The following EBF1 variants were observed in gnomAD, a reference collection of about 807,000 sequenced individuals.
The protein encoded by EBF1 is EBF transcription factor 1.
EBF1 carries 10 observed loss-of-function variants against 68.4 expected under a neutral mutation model. The ratio of observed to expected loss-of-function variants is 0.15; its 90% CI spans 0.09 to 0.25. The LOEUF (loss-of-function observed/expected upper bound fraction) is 0.25, where lower values mean the gene tolerates loss of function less well. EBF1 is among the 10% of genes least tolerant of loss of function. The probability of loss-of-function intolerance (pLI) is 1.00; values close to 1 mark genes in which losing one functional copy is unlikely to be tolerated. For missense variants in EBF1, 509 were observed against 794.4 expected (o/e 0.64, Z 4.32); for synonymous variants, 298 against 299.8 (o/e 0.99, Z 0.06).
chr5:158,875,980 C>G (rs1339190919), intron 6 of EBF1, among the ~76,000 whole-genome samples: 2 of 152,102 alleles, frequency 1.3e-5, no homozygotes, highest in African/African-American at 4.8e-5. Context: ...CACTTCATTA[C>G]AACAACAAGA....
rs1755780080 is a variant in EBF1 at position 158,696,476 on chromosome 5, G to C, written c.*2635C>G. On this transcript the variant is annotated 3_prime_UTR_variant, in exon 16 of 16. Coordinates refer to ENST00000313708, the MANE Select transcript of EBF1 (RefSeq NM_024007.5). ...AAGGTCTAAGCCGGACACCTTCCCG[G>C]CTGACCGTTCATTCCTTCAGAAACA... is the stretch of plus-strand genomic sequence containing the variant. 4.5e-6 allele frequency: 1 copy of C among 223,068 alleles called. No homozygotes were observed. Among genetic ancestry groups the C allele is most frequent in the Non-Finnish European group, 9.0e-6 (1 of 111,634 alleles). 13.8% of individuals were successfully genotyped at this position (223,068 alleles called of 1,614,324 possible).
chr5:159,080,319 A>G (rs1584478827), intron 5 of EBF1, among the ~76,000 whole-genome samples: 1 of 152,138 alleles, frequency 6.6e-6, no homozygotes, highest in Non-Finnish European at 1.5e-5. Context: ...TCAACCTCTC[A>G]TCACATTCAA....
intron 11 of EBF1, 55 bp from the exon 12 acceptor site, chr5:158,714,237 T>G: frequency 6.3e-7 from 1 of 1,595,166 alleles, no homozygotes; most frequent in Non-Finnish European, 8.6e-7. Flanking sequence ...TGTCGTTATC[T>G]TTTGACATGA....
At chr5:158,739,099 C>G (rs1765773754) in intron 10 of EBF1, among the ~76,000 whole-genome samples, 3 of 152,196 alleles carry the variant, frequency 2.0e-5, no homozygotes, top group Non-Finnish European at 4.4e-5. Flanking sequence ...CTACAAGGAG[C>G]TCTCAAATGC....
chr5:158,995,642 T>C (rs1761247533), intron 6 of EBF1, among the ~76,000 whole-genome samples: 1 of 152,192 alleles, frequency 6.6e-6, no homozygotes, highest in Non-Finnish European at 1.5e-5. Flanking sequence ...TCTGTGAGCT[T>C]GGATATATGC....
intron 6 of EBF1, among the ~76,000 whole-genome samples, chr5:159,058,505 T>C (rs1411980974): frequency 6.6e-6 from 1 of 152,176 alleles, no homozygotes; most frequent in African/African-American, 2.4e-5. Context: ...AATCTGGAGA[T>C]ACCCTTTCAC....
chr5:158,981,262 T>C (rs926113367), intron 6 of EBF1, among the ~76,000 whole-genome samples: 1 of 152,082 alleles, frequency 6.6e-6, no homozygotes, highest in Non-Finnish European at 1.5e-5. Flanking sequence ...TAAAACCTAA[T>C]AAAGTCAAAA....
chr5:158,986,189 T>C (rs1461701152), intron 6 of EBF1, among the ~76,000 whole-genome samples: 1 of 152,216 alleles, frequency 6.6e-6, no homozygotes, highest in Non-Finnish European at 1.5e-5. Flanking sequence ...CTTCTCTCTC[T>C]GGTTTTCCCT....
intron 6 of EBF1, among the ~76,000 whole-genome samples, chr5:158,993,212 A>G (rs943653039): frequency 1.3e-5 from 2 of 151,848 alleles, no homozygotes; most frequent in South Asian, 2.1e-4. Flanking sequence ...ACACCCAGCT[A>G]ATTTTTTTGT....
At chr5:158,855,373 G>A (rs1268570812) in intron 6 of EBF1, among the ~76,000 whole-genome samples, 5 of 152,238 alleles carry the variant, frequency 3.3e-5, no homozygotes, top group Non-Finnish European at 7.3e-5. Context: ...CCATTTGACA[G>A]ATGAGTCTAC....
intron 4 of EBF1, among the ~76,000 whole-genome samples, chr5:159,092,160 C>T (rs1304038088): frequency 1.3e-5 from 2 of 152,158 alleles, no homozygotes; most frequent in Non-Finnish European, 2.9e-5. Context: ...TTCATTTGAG[C>T]TTCTGCAGTA....
chr5:159,088,551 G>T (rs979433588), intron 4 of EBF1, among the ~76,000 whole-genome samples: 1 of 152,116 alleles, frequency 6.6e-6, no homozygotes, highest in East Asian at 1.9e-4. Context: ...TGGATCAGCT[G>T]GGAGATCACA....
chr5:158,899,054 G>T (rs1254766039), intron 6 of EBF1, among the ~76,000 whole-genome samples: 1 of 152,164 alleles, frequency 6.6e-6, no homozygotes, highest in South Asian at 2.1e-4. Flanking sequence ...TCCCCATATT[G>T]TTGAATACAA....
At chr5:159,038,139 T>C (rs1770456301) in intron 6 of EBF1, among the ~76,000 whole-genome samples, 1 of 152,218 alleles carries the variant, frequency 6.6e-6, no homozygotes, top group Non-Finnish European at 1.5e-5. Flanking sequence ...CCATTTCATT[T>C]CTTATCTCGG....
chr5:159,051,608 C>A lies in EBF1; in HGVS notation c.554+21788G>T, dbSNP rs559641653. On this transcript the variant is annotated intron_variant, in intron 6 of 15. Transcript: ENST00000313708. ...GCCGGCCCGGCTCGGTGCTCCGCTGCCCACAGTGCGCTCGGCACCAGGGCT... is the reference window on the plus strand; with the variant it reads ...GCCGGCCCGGCTCGGTGCTCCGCTGACCACAGTGCGCTCGGCACCAGGGCT... Among the ~76,000 whole-genome samples the A allele has an allele frequency of 2.9e-3, 442 of 151,852 alleles. 1 individual carries two copies. The highest frequency in any genetic ancestry group is 0.01 in the African/African-American group (423 of 41,378).
At chr5:158,707,688 G>A (rs1758167418) in intron 15 of EBF1, 2 of 401,616 alleles carry the variant, frequency 5.0e-6, no homozygotes, top group African/African-American at 1.9e-5. Flanking sequence ...AAATGATGCT[G>A]TTAGTCAGTA....
intron 4 of EBF1, among the ~76,000 whole-genome samples, chr5:159,087,352 A>G (rs181280868): frequency 1.0e-3 from 127 of 121,746 alleles, no homozygotes; most frequent in African/African-American, 4.3e-3. Flanking sequence ...ACATATATAT[A>G]TACACATATA....
intron 8 of EBF1, among the ~76,000 whole-genome samples, chr5:158,806,733 C>A (rs1781658961): frequency 6.6e-6 from 1 of 152,112 alleles, no homozygotes; most frequent in South Asian, 2.1e-4. Context: ...ACAATTCTAG[C>A]CAGGTAGTGG....
intron 9 of EBF1, among the ~76,000 whole-genome samples, chr5:158,791,195 T>A (rs1424304181): frequency 1.3e-5 from 2 of 151,948 alleles, no homozygotes; most frequent in African/African-American, 4.8e-5. Flanking sequence ...GGCACGCACC[T>A]GTAGTCCCAG....
Sources: gnomAD v4.1 joint callset for allele counts (sites outside exome capture counted in the v4.1 genomes callset) on GRCh38, gnomAD v4.1.1 for gene constraint, MANE v1.5 for transcripts, NCBI Gene and HGNC (gene_info 2026-07-23, HGNC 2026-07-21) for gene names.